The following LRRIQ1 variants were observed in gnomAD, a reference collection of about 807,000 sequenced individuals.
LRRIQ1 encodes the protein leucine-rich repeat- and IQ domain-containing protein 1.
A neutral mutation model predicts 211.9 loss-of-function variants in LRRIQ1; 210 were observed. The ratio of observed to expected loss-of-function variants is 0.99; its 90% CI spans 0.89 to 1.11. The LOEUF (loss-of-function observed/expected upper bound fraction) is 1.11. Ranked by LOEUF, LRRIQ1 falls within the 50% of genes most tolerant of loss-of-function variation. The probability of loss-of-function intolerance (pLI) is 0.00; values close to 1 mark genes in which losing one functional copy is unlikely to be tolerated. For missense variants in LRRIQ1, 2,136 were observed against 1,939.5 expected (o/e 1.10, Z -1.90); for synonymous variants, 699 against 650.1 (o/e 1.08, Z -1.14).
At chr12:85,054,627 T>G (rs1880758486) in intron 7 of LRRIQ1, among the ~76,000 whole-genome samples, 1 of 152,182 alleles carries the variant, frequency 6.6e-6, no homozygotes, top group African/African-American at 2.4e-5. Flanking sequence ...TATTATTTGT[T>G]GTTTGGGGAA....
At chr12:85,041,960 C>T (rs187639288) in intron 3 of LRRIQ1, among the ~76,000 whole-genome samples, 3 of 151,860 alleles carry the variant, frequency 2.0e-5, no homozygotes, top group Admixed American at 6.6e-5. Flanking sequence ...AGAATTTTGT[C>T]CCGAACACCA....
chr12:85,054,469 TTTG>T (rs1880737151), intron 7 of LRRIQ1, among the ~76,000 whole-genome samples: 1 of 152,162 alleles, frequency 6.6e-6, no homozygotes, highest in Admixed American at 6.5e-5. Context: ...CCCATGGCTT[TTTG>T]TTGTTGTTTT....
intron 24 of LRRIQ1, among the ~76,000 whole-genome samples, chr12:85,183,107 A>G (rs1892064075): frequency 6.6e-6 from 1 of 152,218 alleles, no homozygotes; most frequent in South Asian, 2.1e-4. Context: ...CCTTCTGTCC[A>G]TCAATGACAG....
intron 24 of LRRIQ1, among the ~76,000 whole-genome samples, chr12:85,208,140 A>G (rs1053252405): frequency 6.6e-6 from 1 of 151,878 alleles, no homozygotes; most frequent in African/African-American, 2.4e-5. Flanking sequence ...TGGCTAATCG[A>G]TGCACTGTTT....
Position 85,072,961 on chromosome 12 carries a change from A to G in LRRIQ1, c.2750A>G (p.His917Arg), listed in dbSNP as rs1433234404. ...GTTGACAATGCAGGGTTCTGCCATC[A>G]CTTGGGCACCTCCACTTCTTACTTA... is the stretch of plus-strand genomic sequence containing the variant. ...KLVDNAGFCH[H>R]LGTSTSYLSL... Residue 917 changes from histidine (H) to arginine (R), a missense_variant, in exon 11 of 27, where the codon CAC (histidine) becomes CGC (arginine). Transcript: ENST00000393217. The G allele has an allele frequency of 1.2e-6, 2 of 1,612,580 alleles. No homozygotes were observed. The highest frequency in any genetic ancestry group is 2.7e-5 in the African/African-American group (2 of 74,762).
At chr12:85,151,206 A>C (rs1890220104) in intron 19 of LRRIQ1, among the ~76,000 whole-genome samples, 1 of 151,572 alleles carries the variant, frequency 6.6e-6, no homozygotes, top group Non-Finnish European at 1.5e-5. Context: ...TAGCAACTGA[A>C]TAGAGGCACA....
At chr12:85,039,519 A>G (rs979002865) in intron 2 of LRRIQ1, among the ~76,000 whole-genome samples, 1 of 151,678 alleles carries the variant, frequency 6.6e-6, no homozygotes, top group African/African-American at 2.4e-5. Context: ...TTTATGACAT[A>G]TAATTTTACA....
rs1565782685 is a variant in LRRIQ1 at position 85,046,076 on chromosome 12, T to C, written c.393T>C (p.Thr131=). 1.4e-5 allele frequency: 22 copies of C among 1,612,250 alleles called. No homozygotes were observed. The highest frequency in any genetic ancestry group is 1.8e-5 in the Non-Finnish European group (21 of 1,178,814). The change falls in exon 5 of 27, where the codon ACT becomes ACC. Residue 131 remains threonine (T), a synonymous_variant. Transcript: ENST00000393217. ...TGAGAAGTAAAACCGATTGTGCCACTCCTGATTTTGTTCCTGAGCCTAGTC... is the reference window on the plus strand; with the variant it reads ...TGAGAAGTAAAACCGATTGTGCCACCCCTGATTTTGTTCCTGAGCCTAGTC... ...EFMRSKTDCA[T]PDFVPEPSPH... is the part of the protein sequence containing the mutation.
intron 15 of LRRIQ1, among the ~76,000 whole-genome samples, chr12:85,110,695 A>G (rs1887111007): frequency 6.6e-6 from 1 of 152,180 alleles, no homozygotes; most frequent in Non-Finnish European, 1.5e-5. Context: ...GTTAAACCTC[A>G]GAAGTTTGCT....
chr12:85,265,420 A>G (rs1896398941), downstream of LRRIQ1, among the ~76,000 whole-genome samples: 1 of 152,012 alleles, frequency 6.6e-6, no homozygotes, highest in Admixed American at 6.6e-5. Flanking sequence ...TGTCAAATCT[A>G]ATTTCTAACT....
chr12:85,057,933 A>G (rs1881316892), intron 8 of LRRIQ1, among the ~76,000 whole-genome samples: 1 of 152,046 alleles, frequency 6.6e-6, no homozygotes, highest in South Asian at 2.1e-4. Context: ...TTCTTGATAG[A>G]CTTTCTTGCT....
intron 24 of LRRIQ1, among the ~76,000 whole-genome samples, chr12:85,199,042 T>G (rs547264075): frequency 6.6e-6 from 1 of 152,292 alleles, no homozygotes; most frequent in South Asian, 2.1e-4. Flanking sequence ...TGGCAAGTAT[T>G]TTCTCCCGTT....
rs534904300 is a variant in LRRIQ1, at chr12:85,172,560, G to T, written c.4822+11846G>T. ...TTAAATGAGAATCTAAGGGCTTCTG[G>T]ATAAAAATGATGCTGCTGAAAATCT... On this transcript the variant is annotated intron_variant, in intron 24 of 26. Transcript: ENST00000393217. Among the ~76,000 whole-genome samples the T allele has an allele frequency of 5.6e-3, 852 of 152,168 alleles. 5 individuals are homozygous for T. Among genetic ancestry groups the T allele is most frequent in the Non-Finnish European group, 8.6e-3 (586 of 68,002 alleles).
intron 1 of LRRIQ1, among the ~76,000 whole-genome samples, chr12:85,260,561 T>G (rs530301183): frequency 2.6e-5 from 4 of 152,282 alleles, no homozygotes; most frequent in African/African-American, 9.6e-5. Flanking sequence ...CTTAAATAAA[T>G]ATATCAAAAT....
chr12:85,220,416 G>T (rs1894343071), intron 24 of LRRIQ1, among the ~76,000 whole-genome samples: 1 of 151,788 alleles, frequency 6.6e-6, no homozygotes. Flanking sequence ...TGATTTATTT[G>T]AAGCATATGG....
At chr12:85,172,764 C>T (rs751689359) in intron 24 of LRRIQ1, among the ~76,000 whole-genome samples, 9 of 152,100 alleles carry the variant, frequency 5.9e-5, no homozygotes, top group East Asian at 1.9e-4. Context: ...GTCAAAGGTT[C>T]GGGAATTGAT....
Position 85,056,942 on chromosome 12 carries a change from G to C in LRRIQ1, c.2149G>C (p.Glu717Gln). The change falls in exon 8 of 27, where the codon GAA (glutamate) becomes CAA (glutamine). Residue 717 changes from glutamate (E) to glutamine (Q), a missense_variant. Coordinates refer to ENST00000393217, the MANE Select transcript of LRRIQ1 (RefSeq NM_001079910.2). ...EIRNISEKCHENAPEPDSMTC... is the reference protein window; with the variant it reads ...EIRNISEKCHQNAPEPDSMTC... ...TAGAAATATTTCAGAAAAATGCCAT[G>C]AAAATGCACCTGAACCTGATAGCAT... 6.2e-7 allele frequency: 1 copy of C among 1,612,870 alleles called. No homozygotes were observed. The highest frequency in any genetic ancestry group is 8.5e-7 in the Non-Finnish European group (1 of 1,179,366).
At chr12:85,143,598 T>C (rs117091734) in intron 19 of LRRIQ1, among the ~76,000 whole-genome samples, 1 of 151,704 alleles carries the variant, frequency 6.6e-6, no homozygotes, top group African/African-American at 2.4e-5. Flanking sequence ...CTGACCTACT[T>C]TGTGTTCATT....
downstream of LRRIQ1, among the ~76,000 whole-genome samples, chr12:85,265,895 A>G (rs945885772): frequency 6.6e-6 from 1 of 152,068 alleles, no homozygotes; most frequent in African/African-American, 2.4e-5. Flanking sequence ...TGTTTTATGC[A>G]GAAAATAATT....
Sources: gnomAD v4.1 joint callset for allele counts (sites outside exome capture counted in the v4.1 genomes callset) on GRCh38, gnomAD v4.1.1 for gene constraint, MANE v1.5 for transcripts, NCBI Gene and HGNC (gene_info 2026-07-23, HGNC 2026-07-21) for gene names.